Variants in VTI1A observed in about 807,000 individuals in gnomAD.
The protein encoded by VTI1A is vesicle transport through interaction with t-SNAREs 1A.
VTI1A carries 22 observed loss-of-function variants against 34.9 expected under a neutral mutation model. The observed-to-expected ratio is 0.63, with a 90% CI of 0.45 to 0.90. The LOEUF (loss-of-function observed/expected upper bound fraction) is 0.90, where lower values mean the gene tolerates loss of function less well. Among genes scored for constraint, VTI1A ranks in the 40% least tolerant of loss-of-function variants. The pLI is 0.00. For synonymous variants in VTI1A, 87 were observed against 97.3 expected (o/e 0.89, Z 0.62); for missense variants, 268 against 275.6 (o/e 0.97, Z 0.20).
chr10:112,737,249 CT>C (rs56710609), intron 7 of VTI1A: 98,636 of 650,876 alleles, frequency 0.15, 7 homozygotes, highest in Non-Finnish European at 0.17. Context: ...TTTTGTATTT[CT>C]TTTTTTTTTT....
At chr10:112,835,470 T>G in the VTI1A span, among the ~76,000 whole-genome samples, 1 of 152,200 alleles carries the variant, frequency 6.6e-6, no homozygotes, top group Non-Finnish European at 1.5e-5. Context: ...GAAGCTGCTG[T>G]ACAAGCCCCT....
At chr10:112,778,617 T>A (rs1159952140) in intron 7 of VTI1A, among the ~76,000 whole-genome samples, 4 of 152,204 alleles carry the variant, frequency 2.6e-5, no homozygotes, top group Admixed American at 1.3e-4. Flanking sequence ...GAGGGTTTTT[T>A]AAAATTACTT....
chr10:112,804,503 T>TCC lies in VTI1A; in HGVS notation c.561-10785_561-10784dup, dbSNP rs1049001599. On this transcript the variant is annotated intron_variant, in intron 7 of 7. Transcript: ENST00000393077. ...AATCTTTAATGAGCTAATCCTCTCC[T>TCC]CCCTGGGGTGGTTTGTGAGTTGGCT... Among the ~76,000 whole-genome samples the TCC allele has an allele frequency of 4.1e-4, 62 of 152,192 alleles. 1 individual carries two copies. The highest frequency in any genetic ancestry group is 2.1e-4 in the Non-Finnish European group (14 of 68,040).
chr10:112,798,570 C>T (rs1008915842), intron 7 of VTI1A, among the ~76,000 whole-genome samples: 1 of 152,148 alleles, frequency 6.6e-6, no homozygotes, highest in Non-Finnish European at 1.5e-5. Flanking sequence ...GATTTTCCTA[C>T]TCATTGCTGC....
chr10:112,822,340 A>G (rs533734621), downstream of VTI1A, among the ~76,000 whole-genome samples: 2 of 152,300 alleles, frequency 1.3e-5, no homozygotes, highest in South Asian at 4.1e-4. Flanking sequence ...TCTGCAAAGG[A>G]GCAGTAATGG....
chr10:112,815,229 G>A, intron 7 of VTI1A, 61 bp from the exon 8 acceptor site: 1 of 1,405,756 alleles, frequency 7.1e-7, no homozygotes, highest in South Asian at 1.2e-5. Context: ...GCCTCGGACG[G>A]CGTTTGTGGG....
chr10:112,773,045 A>T (rs1851858945), intron 7 of VTI1A, among the ~76,000 whole-genome samples: 1 of 152,244 alleles, frequency 6.6e-6, no homozygotes, highest in Non-Finnish European at 1.5e-5. Context: ...GTCGTGATTT[A>T]GTCACCATAA....
chr10:112,548,535 A>G (rs561073125), intron 5 of VTI1A: 13 of 641,532 alleles, frequency 2.0e-5, no homozygotes, highest in South Asian at 1.0e-4. Context: ...TAAATGGCCA[A>G]TTGAAACAAA....
chr10:112,725,738 A>C (rs958629025), intron 7 of VTI1A, among the ~76,000 whole-genome samples: 2 of 152,236 alleles, frequency 1.3e-5, no homozygotes, highest in South Asian at 4.1e-4. Context: ...TTTATTAAAT[A>C]GTTTTCAGAT....
intron 7 of VTI1A, among the ~76,000 whole-genome samples, chr10:112,688,803 T>C (rs963315585): frequency 6.6e-6 from 1 of 152,146 alleles, no homozygotes; most frequent in Non-Finnish European, 1.5e-5. Flanking sequence ...CCTCCCAAAG[T>C]GCAGGAATTA....
chr10:112,772,494 GTCT>G (rs1851842318), intron 7 of VTI1A, among the ~76,000 whole-genome samples: 1 of 152,176 alleles, frequency 6.6e-6, no homozygotes, highest in Non-Finnish European at 1.5e-5. Context: ...TCTACAGCGT[GTCT>G]TCTTACTTTC....
chr10:112,697,217 A>G (rs1397049280), intron 7 of VTI1A, among the ~76,000 whole-genome samples: 1 of 147,612 alleles, frequency 6.8e-6, no homozygotes, highest in African/African-American at 2.5e-5. Flanking sequence ...TTTTCCAGAC[A>G]GGGTCTTGCT....
chr10:112,612,604 G>A (rs11812997), intron 5 of VTI1A, among the ~76,000 whole-genome samples: 2,141 of 152,162 alleles, frequency 0.014, 54 homozygotes, highest in African/African-American at 0.049. Flanking sequence ...TGAATTTTTT[G>A]TAGAGATAGG....
intron 7 of VTI1A, among the ~76,000 whole-genome samples, chr10:112,754,292 C>T (rs6585184): frequency 0.41 from 62,443 of 151,838 alleles, 15,193 homozygotes; most frequent in African/African-American, 0.69. Flanking sequence ...ATCCTCAGGC[C>T]GCCCCGCTCA....
chr10:112,658,689 G>A (rs189836099), intron 5 of VTI1A, among the ~76,000 whole-genome samples: 50 of 152,300 alleles, frequency 3.3e-4, no homozygotes, highest in African/African-American at 1.1e-3. Flanking sequence ...AAACAGGCCA[G>A]TGGGGAGGTG....
intron 5 of VTI1A, among the ~76,000 whole-genome samples, chr10:112,565,968 A>C (rs977442550): frequency 6.6e-6 from 1 of 152,108 alleles, no homozygotes; most frequent in African/African-American, 2.4e-5. Context: ...TTGTAACTTA[A>C]GCATGTGAAG....
chr10:112,655,383 G>C (rs963000803), intron 5 of VTI1A, among the ~76,000 whole-genome samples: 1 of 152,128 alleles, frequency 6.6e-6, no homozygotes. Flanking sequence ...GGGTGGGGCA[G>C]GGGTAGCAGG....
chr10:112,842,950 G>A, the VTI1A span, among the ~76,000 whole-genome samples: 1 of 152,184 alleles, frequency 6.6e-6, no homozygotes, highest in Admixed American at 6.5e-5. Context: ...GGAAACAAAG[G>A]TCAGGCCAGC....
chr10:112,456,904 A>G (rs927390787), intron 1 of VTI1A, among the ~76,000 whole-genome samples: 6 of 152,286 alleles, frequency 3.9e-5, no homozygotes, highest in South Asian at 2.1e-4. Flanking sequence ...TACTCCTCAT[A>G]CTTGTCTTTC....
Sources: allele counts gnomAD v4.1 joint callset (sites outside exome capture counted in the v4.1 genomes callset), GRCh38; gene constraint gnomAD v4.1.1; transcripts MANE v1.5; gene names NCBI Gene and HGNC (gene_info 2026-07-23, HGNC 2026-07-21).